APBB1IP: variants seen among roughly 807,000 people sequenced by gnomAD.
APBB1IP encodes amyloid beta precursor protein binding family B member 1 interacting protein.
APBB1IP carries 27 observed loss-of-function variants against 64.9 expected under a neutral mutation model. That is an observed-to-expected ratio of 0.42 (90% CI 0.31 to 0.57). The LOEUF (loss-of-function observed/expected upper bound fraction) is 0.57, where lower values mean the gene tolerates loss of function less well. APBB1IP is among the 20% of genes least tolerant of loss of function. APBB1IP has a pLI of 0.20. For synonymous variants in APBB1IP, 392 were observed against 331.0 expected, an observed-to-expected ratio of 1.18 and a Z score of -2.00; for missense variants, 812 against 845.5, an observed-to-expected ratio of 0.96 and a Z score of 0.49.
At chr10:26,481,387 A>T (rs1376588623) in intron 2 of APBB1IP, among the ~76,000 whole-genome samples, 1 of 152,044 alleles carries the variant, frequency 6.6e-6, no homozygotes, top group Non-Finnish European at 1.5e-5. Context: ...CAAAACATAA[A>T]TTTTTCACTA....
chr10:26,559,987 A>AT, intron 11 of APBB1IP, 118 bp from the exon 12 acceptor site: 1 of 792,434 alleles, frequency 1.3e-6, no homozygotes. Flanking sequence ...ACAACCAGTA[A>AT]TTTTTGCCAC....
chr10:26,560,276 G>A lies in APBB1IP; in HGVS notation c.1254+73G>A, dbSNP rs963265783. 2.9e-6 allele frequency: 4 copies of A among 1,394,730 alleles called. No individual in the cohort carries two copies. The African/African-American group carries it at 5.7e-5, about 20-fold the overall frequency. 86.4% of individuals were successfully genotyped at this position (1,394,730 alleles called of 1,614,324 possible). On this transcript the variant is annotated intron_variant, in intron 12 of 14. Transcript: ENST00000376236. ...TTCCTGACCTGGGCACAGCCTTCCT[G>A]GTACTGTGAAACAGCTGGCCCACCC...
At chr10:26,471,495 G>A (rs1291930663) in intron 2 of APBB1IP, among the ~76,000 whole-genome samples, 1 of 152,110 alleles carries the variant, frequency 6.6e-6, no homozygotes, top group African/African-American at 2.4e-5. Flanking sequence ...AGAAATGCAG[G>A]AAAAGAATTA....
chr10:26,444,837 G>A (rs1233079478), intron 2 of APBB1IP, among the ~76,000 whole-genome samples: 1 of 152,098 alleles, frequency 6.6e-6, no homozygotes, highest in African/African-American at 2.4e-5. Context: ...GGTGGCTCAC[G>A]CCTGTAATCC....
intron 2 of APBB1IP, among the ~76,000 whole-genome samples, chr10:26,457,062 G>A (rs187664808): frequency 6.2e-4 from 94 of 152,242 alleles, no homozygotes; most frequent in Non-Finnish European, 1.3e-3. Context: ...TTTTTTGGGT[G>A]TTTGTTTCTT....
At chr10:26,554,698 C>T (rs961682877) in intron 11 of APBB1IP, among the ~76,000 whole-genome samples, 2 of 152,170 alleles carry the variant, frequency 1.3e-5, no homozygotes, top group Non-Finnish European at 2.9e-5. Context: ...CCTCCTGCCT[C>T]AGCCTCCCAA....
chr10:26,496,298 T>C lies in APBB1IP; in HGVS notation c.73-6T>C, dbSNP rs757420534. On this transcript the variant is annotated splice_region_variant and splice_polypyrimidine_tract_variant and intron_variant, in intron 3 of 14. Transcript: ENST00000376236. Reference sequence around the variant, plus strand: ...ATAACTTTGATGGGGGGATCTTTTTTCACAGAGTTTAGGAGTTGACACTCT... The same window carrying C: ...ATAACTTTGATGGGGGGATCTTTTTCCACAGAGTTTAGGAGTTGACACTCT... The C allele has an allele frequency of 6.2e-7, 1 of 1,605,934 alleles. No individual in the cohort carries two copies. Among genetic ancestry groups the C allele is most frequent in the Non-Finnish European group, 8.5e-7 (1 of 1,174,266 alleles).
At chr10:26,473,924 C>T (rs1443400439) in intron 2 of APBB1IP, among the ~76,000 whole-genome samples, 3 of 149,820 alleles carry the variant, frequency 2.0e-5, no homozygotes, top group East Asian at 3.9e-4. Flanking sequence ...ATTGCTTGAA[C>T]GCCGGAGGCA....
At chr10:26,440,308 G>A (rs568127810) in intron 2 of APBB1IP, among the ~76,000 whole-genome samples, 146 of 152,256 alleles carry the variant, frequency 9.6e-4, no homozygotes, top group Middle Eastern at 3.4e-3. Flanking sequence ...AGCAATTGAG[G>A]AGTTGCTATA....
chr10:26,468,483 G>A (rs7909360), intron 2 of APBB1IP, among the ~76,000 whole-genome samples: 492 of 152,284 alleles, frequency 3.2e-3, no homozygotes, highest in Non-Finnish European at 5.4e-3. Flanking sequence ...ACCTTGACCC[G>A]TCACTGTGTA....
intron 14 of APBB1IP, among the ~76,000 whole-genome samples, chr10:26,563,187 A>T (rs1000190160): frequency 6.6e-6 from 1 of 152,062 alleles, no homozygotes; most frequent in Non-Finnish European, 1.5e-5. Flanking sequence ...GACTGCTAAA[A>T]GAGCTACATT....
chr10:26,515,038 A>AT (rs10668002), intron 8 of APBB1IP, among the ~76,000 whole-genome samples: 81,194 of 132,962 alleles, frequency 0.61, 25,568 homozygotes, highest in East Asian at 0.88. Flanking sequence ...CCCCCGGCTA[A>AT]TTTTTTTTTT....
intron 2 of APBB1IP, among the ~76,000 whole-genome samples, chr10:26,477,722 G>A (rs941807814): frequency 2.0e-5 from 3 of 152,174 alleles, no homozygotes; most frequent in African/African-American, 7.2e-5. Context: ...TGGAGCTTGA[G>A]TGAATATACC....
chr10:26,511,721 T>C (rs770162620), intron 6 of APBB1IP, 26 bp from the exon 7 acceptor site: 60 of 1,607,100 alleles, frequency 3.7e-5, no homozygotes, highest in South Asian at 8.8e-5. Context: ...TGAAATTTAC[T>C]GGCTGCCCCA....
At chr10:26,465,919 A>G (rs1835643027) in intron 2 of APBB1IP, among the ~76,000 whole-genome samples, 1 of 152,226 alleles carries the variant, frequency 6.6e-6, no homozygotes, top group African/African-American at 2.4e-5. Flanking sequence ...ATTTCTGCTC[A>G]ACGAACCACC....
chr10:26,481,727 A>G lies in APBB1IP; in HGVS notation c.1-10600A>G, dbSNP rs566782433. Among the ~76,000 whole-genome samples, 3 of 151,866 alleles carry G rather than the reference A, an allele frequency of 2.0e-5. No individual in the cohort carries two copies. The South Asian group carries it at 6.3e-4, about 32-fold the overall frequency. On this transcript the variant is annotated intron_variant, in intron 2 of 14. Coordinates refer to ENST00000376236, the MANE Select transcript of APBB1IP (RefSeq NM_019043.4). ...GGTTTTGAACTCCTGGCCTCAAGTG[A>G]TCCTCCCACCTCTGCCTCCCAAAGT...
intron 8 of APBB1IP, among the ~76,000 whole-genome samples, chr10:26,530,228 CT>C (rs772571075): frequency 4.8e-4 from 14 of 28,912 alleles, no homozygotes; most frequent in African/African-American, 8.2e-4. Flanking sequence ...TTTTCTTTTT[CT>C]TTTTTTTTTT....
intron 2 of APBB1IP, among the ~76,000 whole-genome samples, chr10:26,449,264 A>G (rs1835439116): frequency 6.6e-6 from 1 of 152,176 alleles, no homozygotes; most frequent in African/African-American, 2.4e-5. Context: ...GACAGAAGTA[A>G]CCATCCCCTT....
chr10:26,526,803 A>G (rs1443122705), intron 8 of APBB1IP, among the ~76,000 whole-genome samples: 3 of 152,172 alleles, frequency 2.0e-5, no homozygotes, highest in Admixed American at 2.0e-4. Context: ...GGAAATCTAA[A>G]TCACCCATAA....
Sources: allele counts gnomAD v4.1 joint callset (sites outside exome capture counted in the v4.1 genomes callset), GRCh38; gene constraint gnomAD v4.1.1; transcripts MANE v1.5; gene names NCBI Gene and HGNC (gene_info 2026-07-23, HGNC 2026-07-21).